NKIRAS1: variants seen among roughly 807,000 people sequenced by gnomAD.
The protein encoded by NKIRAS1 is NF-kappa-B inhibitor-interacting Ras-like protein 1.
In NKIRAS1, 16 loss-of-function variants were observed where a neutral mutation model predicts 19.8. That is an observed-to-expected ratio of 0.81 (90% CI 0.55 to 1.23). The LOEUF (loss-of-function observed/expected upper bound fraction) is 1.23, where lower values mean the gene tolerates loss of function less well. Among genes scored for constraint, NKIRAS1 ranks in the 50% most tolerant of loss-of-function variants. The pLI is 0.00. For synonymous variants in NKIRAS1, 88 were observed against 79.0 expected, an observed-to-expected ratio of 1.11 and a Z score of -0.61; for missense variants, 184 against 220.0, an observed-to-expected ratio of 0.84 and a Z score of 1.04.
At chr3:23,916,994 G>C (rs539810039), upstream of NKIRAS1, 3 of 152,606 alleles carry the variant, frequency 2.0e-5, no homozygotes, top group Non-Finnish European at 4.4e-5. Context: ...GGACAATAGC[G>C]GCCGCGGCGC....
intron 4 of NKIRAS1, 118 bp from the exon 5 acceptor site, chr3:23,893,455 C>A (rs1701635545): frequency 2.4e-6 from 2 of 831,872 alleles, no homozygotes; most frequent in Non-Finnish European, 3.8e-6. Flanking sequence ...TAAACTGATT[C>A]TCAAGTGTGA....
In NKIRAS1 at chr3:23,927,360, T is replaced by C. The variant is rs1705228508; in HGVS notation, c.-139-15910A>G. On this transcript the variant is annotated intron_variant, in intron 1 of 4. Transcript: ENST00000421515. The surrounding 1 kb of genome is among the most constrained non-coding windows in gnomAD (Gnocchi z 4.0). ...CATAGTGAGGCCCCCATCTCTATAT[T>C]TCTTAGTTGAGGAAAGAAAAAAAAA... 6.6e-6 allele frequency among the ~76,000 whole-genome samples: 1 copy of C among 152,062 alleles called. No individual in the cohort carries two copies. The highest frequency in any genetic ancestry group is 2.4e-5 in the African/African-American group (1 of 41,402).
intron 1 of NKIRAS1, among the ~76,000 whole-genome samples, chr3:23,925,109 C>A (rs1475504927): frequency 6.6e-6 from 1 of 152,164 alleles, no homozygotes; most frequent in Non-Finnish European, 1.5e-5. Context: ...GAAGTGATAT[C>A]TTCCAGTGCT....
In NKIRAS1 at chr3:23,890,901, T is replaced by C. The variant is rs1701404050; in HGVS notation, c.*2194A>G. 2.3e-5 allele frequency: 5 copies of C among 221,154 alleles called. No individual in the cohort carries two copies. The highest frequency in any genetic ancestry group is 3.5e-5 in the Non-Finnish European group (4 of 113,068). The allele number at this position is 221,154 out of a possible 1,614,324, so 13.7% of individuals were successfully genotyped here. On this transcript the variant is annotated 3_prime_UTR_variant, in exon 5 of 5. Transcript: ENST00000425478. The stretch of plus-strand genomic sequence containing the variant: ...TTCAGTTGCTTGTAGTCTGTAAATT[T>C]AAAACAGCTTAATTTGGTACAGGTT...
upstream of NKIRAS1, chr3:23,921,850 C>A: frequency 2.0e-6 from 1 of 512,204 alleles, no homozygotes; most frequent in Non-Finnish European, 3.4e-6. Flanking sequence ...GCTGGGATTA[C>A]AGGCGTGAGC....
intron 3 of NKIRAS1, among the ~76,000 whole-genome samples, chr3:23,908,407 C>T (rs888003149): frequency 5.9e-5 from 9 of 152,176 alleles, no homozygotes; most frequent in African/African-American, 2.2e-4. Flanking sequence ...ATTCCTCCTA[C>T]CTTTTCCAAC....
rs1053423143 is a variant in NKIRAS1 at position 23,890,833 on chromosome 3, C to G, written c.*2262G>C. On this transcript the variant is annotated 3_prime_UTR_variant, in exon 5 of 5. Coordinates refer to ENST00000425478, the MANE Select transcript of NKIRAS1 (RefSeq NM_020345.4). Reference sequence around the variant, plus strand: ...ATTGTCATTAGTTCTGCAATATTAGCTGAAATGTAGTACAGAAAAGAATGT... The same window carrying G: ...ATTGTCATTAGTTCTGCAATATTAGGTGAAATGTAGTACAGAAAAGAATGT... The G allele has an allele frequency of 2.5e-5, 10 of 402,770 alleles. No homozygotes were observed. The highest frequency in any genetic ancestry group is 4.0e-5 in the Non-Finnish European group (9 of 227,432). The allele number at this position is 402,770 out of a possible 1,614,324, so 24.9% of individuals were successfully genotyped here.
intron 1 of NKIRAS1, among the ~76,000 whole-genome samples, chr3:23,939,241 G>C (rs978234324): frequency 6.6e-6 from 1 of 152,028 alleles, no homozygotes; most frequent in Non-Finnish European, 1.5e-5. Flanking sequence ...AAATGTATAC[G>C]ATAAATGTCC....
chr3:23,897,045 AAAAAAT>A (rs1199078364), intron 4 of NKIRAS1, among the ~76,000 whole-genome samples: 1 of 152,018 alleles, frequency 6.6e-6, no homozygotes, highest in Non-Finnish European at 1.5e-5. Flanking sequence ...TGTCTTTGCA[AAAAAAT>A]AAAAATAAAA....
chr3:23,903,578 T>C (rs1317815870), intron 3 of NKIRAS1, among the ~76,000 whole-genome samples: 2 of 152,008 alleles, frequency 1.3e-5, no homozygotes, highest in African/African-American at 2.4e-5. Flanking sequence ...AAAAATAAGA[T>C]AGTACATCCA....
intron 3 of NKIRAS1, 133 bp from the exon 4 acceptor site, chr3:23,901,182 T>C (rs1394641705): frequency 8.8e-6 from 7 of 794,412 alleles, no homozygotes; most frequent in Admixed American, 6.0e-5. Context: ...TATTTTACTT[T>C]TTTTTTTTTT....
intron 3 of NKIRAS1, among the ~76,000 whole-genome samples, chr3:23,906,862 A>T (rs1703114968): frequency 6.6e-6 from 1 of 152,080 alleles, no homozygotes; most frequent in African/African-American, 2.4e-5. Context: ...TATACATTTT[A>T]AAATAACCTT....
chr3:23,913,336 C>A (rs1703971269), intron 1 of NKIRAS1, among the ~76,000 whole-genome samples: 1 of 152,040 alleles, frequency 6.6e-6, no homozygotes, highest in Non-Finnish European at 1.5e-5. Context: ...AAAGAGATGA[C>A]AGAACAGACC....
At chr3:23,918,052 A>G (rs1202992515), upstream of NKIRAS1, 2 of 1,594,682 alleles carry the variant, frequency 1.3e-6, no homozygotes, top group South Asian at 1.1e-5. Flanking sequence ...GACTGCGTGG[A>G]TGCTTGGATA....
intron 1 of NKIRAS1, among the ~76,000 whole-genome samples, chr3:23,929,733 C>A (rs890254745): frequency 6.6e-6 from 1 of 152,140 alleles, no homozygotes; most frequent in Non-Finnish European, 1.5e-5. Context: ...TGAGCCCCTG[C>A]ACCCAACCTC....
In NKIRAS1 at chr3:23,896,920, A is replaced by G. The variant is rs1702051025; in HGVS notation, c.337-3583T>C. On this transcript the variant is annotated intron_variant, in intron 4 of 4. Coordinates refer to ENST00000425478, the MANE Select transcript of NKIRAS1 (RefSeq NM_020345.4). Reference sequence around the variant, plus strand: ...GCCACCTGGTGTGAGAAAGGGAAAAAAGGCTAGGCACACGGTGGCTCACAC... The same window carrying G: ...GCCACCTGGTGTGAGAAAGGGAAAAGAGGCTAGGCACACGGTGGCTCACAC... 2.0e-5 allele frequency among the ~76,000 whole-genome samples: 3 copies of G among 152,046 alleles called. No homozygotes were observed. The South Asian group carries it at 6.2e-4, about 31-fold the overall frequency.
intron 4 of NKIRAS1, among the ~76,000 whole-genome samples, chr3:23,899,669 GGAGTA>G (rs1345336678): frequency 6.6e-6 from 1 of 152,218 alleles, no homozygotes; most frequent in African/African-American, 2.4e-5. Flanking sequence ...TGGTGTCACT[GGAGTA>G]TAGTGAGAGA....
intron 1 of NKIRAS1, among the ~76,000 whole-genome samples, chr3:23,942,293 G>C (rs979558771): frequency 6.6e-6 from 1 of 151,680 alleles, no homozygotes; most frequent in African/African-American, 2.4e-5. Context: ...GCAGTACTGT[G>C]AACTTCAGAG....
intron 3 of NKIRAS1, among the ~76,000 whole-genome samples, chr3:23,903,836 A>G (rs948680192): frequency 1.3e-5 from 2 of 152,180 alleles, no homozygotes; most frequent in African/African-American, 4.8e-5. Context: ...GCATTTCCAT[A>G]TAGAAGGGGC....
Sources: allele counts gnomAD v4.1 joint callset (sites outside exome capture counted in the v4.1 genomes callset), GRCh38; gene constraint gnomAD v4.1.1; non-coding constraint Gnocchi (gnomAD v3.1); transcripts MANE v1.5; gene names NCBI Gene and HGNC (gene_info 2026-07-23, HGNC 2026-07-21).